The following PRCP variants were observed in gnomAD, a reference collection of about 807,000 sequenced individuals.
PRCP encodes lysosomal Pro-X carboxypeptidase.
In PRCP, 46 loss-of-function variants were observed where a neutral mutation model predicts 54.2. The ratio of observed to expected loss-of-function variants is 0.85; its 90% CI spans 0.67 to 1.09. The LOEUF (loss-of-function observed/expected upper bound fraction) is 1.09, where lower values mean the gene tolerates loss of function less well. Among genes scored for constraint, PRCP ranks in the 50% least tolerant of loss-of-function variants. PRCP has a pLI of 0.00. For synonymous variants in PRCP, 240 were observed against 212.2 expected (o/e 1.13, Z -1.14); for missense variants, 613 against 596.8 (o/e 1.03, Z -0.28).
chr11:82,858,038 T>C (rs1859130558), intron 2 of PRCP, among the ~76,000 whole-genome samples: 1 of 152,222 alleles, frequency 6.6e-6, no homozygotes, highest in African/African-American at 2.4e-5. Flanking sequence ...TCCAGACCTC[T>C]GTGCAGTTGA....
chr11:82,826,718 T>G (rs1591031598), intron 8 of PRCP: 1 of 152,362 alleles, frequency 6.6e-6, no homozygotes, highest in East Asian at 1.9e-4. Context: ...TATTTAAACA[T>G]CTTATGTGCT....
intron 1 of PRCP, among the ~76,000 whole-genome samples, chr11:82,872,010 GT>G (rs1012133405): frequency 5.9e-5 from 9 of 152,222 alleles, no homozygotes; most frequent in African/African-American, 2.2e-4. Context: ...AAATAGGTGA[GT>G]ACAGTACAAC....
intron 1 of PRCP, among the ~76,000 whole-genome samples, chr11:82,862,992 G>A (rs768571576): frequency 4.6e-5 from 7 of 152,210 alleles, no homozygotes; most frequent in Non-Finnish European, 1.0e-4. Flanking sequence ...GACAGTGAAA[G>A]GAAGACGGAT....
intron 1 of PRCP, among the ~76,000 whole-genome samples, chr11:82,878,550 G>A (rs1337736628): frequency 6.6e-6 from 1 of 152,102 alleles, no homozygotes; most frequent in East Asian, 1.9e-4. Flanking sequence ...GGGTTTATCA[G>A]GGTTTCCACT....
chr11:82,837,307 T>C (rs1858551988), intron 8 of PRCP: 1 of 153,266 alleles, frequency 6.5e-6, no homozygotes, highest in Non-Finnish European at 1.5e-5. Context: ...TCTACCATTG[T>C]ATTAAAAACG....
intron 1 of PRCP, among the ~76,000 whole-genome samples, chr11:82,868,196 A>C (rs1012959900): frequency 6.6e-6 from 1 of 152,186 alleles, no homozygotes; most frequent in Non-Finnish European, 1.5e-5. Context: ...ATAATAAGAT[A>C]ATTCAAAAGC....
chr11:82,880,039 G>A (rs1859707086), intron 1 of PRCP, among the ~76,000 whole-genome samples: 1 of 152,196 alleles, frequency 6.6e-6, no homozygotes, highest in Non-Finnish European at 1.5e-5. Context: ...TCCATGCTGG[G>A]AGAACCACTA....
At chr11:82,888,776 A>G (rs1280809384) in intron 1 of PRCP, among the ~76,000 whole-genome samples, 1 of 152,194 alleles carries the variant, frequency 6.6e-6, no homozygotes, top group Non-Finnish European at 1.5e-5. Flanking sequence ...AGTTTCCTTA[A>G]CCTTCCCCTC....
In PRCP at chr11:82,853,003, TA is replaced by T. The variant is rs1053581779; in HGVS notation, c.411+173del. Among the ~76,000 whole-genome samples, 349 of 121,142 alleles carry T rather than the reference TA, an allele frequency of 2.9e-3. 3 individuals carry two copies. In the Middle Eastern group the frequency reaches 0.038, roughly 13 times the overall value. 79.5% of individuals were successfully genotyped at this position (121,142 alleles called of 152,430 possible). ...CATTAAGAATTATAATAAAATGGCTTAAAAAAAACCCTCAGTCTGTTCAAAT... is the reference window on the plus strand; with the variant it reads ...CATTAAGAATTATAATAAAATGGCTTAAAAAAACCCTCAGTCTGTTCAAAT... On this transcript the variant is annotated intron_variant, in intron 3 of 8. Coordinates refer to ENST00000313010, the MANE Select transcript of PRCP (RefSeq NM_005040.4).
intron 1 of PRCP, among the ~76,000 whole-genome samples, chr11:82,870,826 G>A (rs1033069688): frequency 4.6e-5 from 7 of 152,158 alleles, no homozygotes; most frequent in African/African-American, 1.7e-4. Flanking sequence ...TGTCATAAAG[G>A]GGTTGTGAGA....
At chr11:82,836,376 T>C (rs1443270498) in intron 8 of PRCP, 2 of 153,544 alleles carry the variant, frequency 1.3e-5, no homozygotes, top group Non-Finnish European at 2.9e-5. Context: ...ACACAGTTGC[T>C]TGAAAGAAAA....
At chr11:82,838,317 G>A (rs1173667397) in intron 8 of PRCP, 70 bp downstream of exon 8, 2 of 1,401,382 alleles carry the variant, frequency 1.4e-6, no homozygotes, top group Non-Finnish European at 2.0e-6. Context: ...CATTTCCCTG[G>A]TTCTGTTTTT....
intron 1 of PRCP, among the ~76,000 whole-genome samples, chr11:82,875,554 G>A (rs536082766): frequency 6.6e-6 from 1 of 152,256 alleles, no homozygotes; most frequent in Admixed American, 6.5e-5. Flanking sequence ...GCAAAGACAA[G>A]GCTCTTTCAT....
chr11:82,828,678 A>G (rs1221122716), intron 8 of PRCP: 1 of 152,242 alleles, frequency 6.6e-6, no homozygotes, highest in Non-Finnish European at 1.5e-5. Flanking sequence ...AATCATCAAA[A>G]AATTTCTCAG....
chr11:82,882,346 C>T (rs1337532899), intron 1 of PRCP, among the ~76,000 whole-genome samples: 1 of 152,172 alleles, frequency 6.6e-6, no homozygotes, highest in African/African-American at 2.4e-5. Context: ...TATGTAATAA[C>T]ATTAACATTT....
At chr11:82,897,526 C>T (rs1018250248) in intron 1 of PRCP, among the ~76,000 whole-genome samples, 8 of 152,064 alleles carry the variant, frequency 5.3e-5, no homozygotes, top group African/African-American at 1.4e-4. Context: ...GTCAAAGATT[C>T]GCAGAAGAGG....
chr11:82,853,277 C>G lies in PRCP; in HGVS notation c.311G>C (p.Gly104Ala). The G allele has an allele frequency of 6.3e-7, 1 of 1,599,266 alleles. No individual in the cohort carries two copies. Among genetic ancestry groups the G allele is most frequent in the Non-Finnish European group, 8.5e-7 (1 of 1,173,998 alleles). ...GDIIWFCNNT[G>A]FMWDVAEELK... ...TTCCTCAGCCACATCCCACATGAAC[C>G]CCTAAGAAGAGTTTACAAAATCACA... Residue 104 changes from glycine (G) to alanine (A), a missense_variant and splice_region_variant, in exon 3 of 9, where the codon GGG becomes GCG. Physicochemically the swap from Gly to Ala is moderately conservative, Grantham distance 60. Transcript: ENST00000313010.
chr11:82,895,629 G>C (rs558225541), intron 1 of PRCP, among the ~76,000 whole-genome samples: 12 of 152,144 alleles, frequency 7.9e-5, no homozygotes, highest in Non-Finnish European at 1.8e-4. Context: ...AATCAGTTCT[G>C]AATTCACACA....
At chr11:82,861,586 G>A (rs1287754986) in intron 1 of PRCP, among the ~76,000 whole-genome samples, 3 of 152,086 alleles carry the variant, frequency 2.0e-5, no homozygotes, top group Non-Finnish European at 2.9e-5. Context: ...TATCACCTAT[G>A]ACGTATTCCT....
Sources: gnomAD v4.1 joint callset for allele counts (sites outside exome capture counted in the v4.1 genomes callset) on GRCh38, gnomAD v4.1.1 for gene constraint, MANE v1.5 for transcripts, NCBI Gene and HGNC (gene_info 2026-07-23, HGNC 2026-07-21) for gene names.